Variants in UBAP2 observed in about 807,000 individuals in gnomAD.
The protein encoded by UBAP2 is ubiquitin associated protein 2.
Under a neutral mutation model 139.6 loss-of-function variants are expected in UBAP2, and 75 were observed. The observed-to-expected ratio is 0.54, with a 90% CI of 0.45 to 0.65. UBAP2 has a LOEUF of 0.65. UBAP2 is among the 30% of genes least tolerant of loss of function. UBAP2 has a pLI of 0.00. For missense variants in UBAP2, 1,368 were observed against 1,369.6 expected, an observed-to-expected ratio of 1.00 and a Z score of 0.02; for synonymous variants, 526 against 526.2, an observed-to-expected ratio of 1.00 and a Z score of 0.01.
intron 2 of UBAP2, among the ~76,000 whole-genome samples, chr9:34,013,314 C>T (rs191509503): frequency 2.0e-5 from 3 of 152,070 alleles, no homozygotes; most frequent in East Asian, 1.9e-4. Flanking sequence ...CTTTGGGAGG[C>T]GGAGCTGGGT....
chr9:33,964,746 G>A (rs1430010395), intron 8 of UBAP2, among the ~76,000 whole-genome samples: 1 of 151,960 alleles, frequency 6.6e-6, no homozygotes, highest in Non-Finnish European at 1.5e-5. Flanking sequence ...AAAAACATCA[G>A]TGGAGGTATT....
chr9:33,966,393 T>C (rs1001520232), intron 8 of UBAP2, among the ~76,000 whole-genome samples: 5 of 151,658 alleles, frequency 3.3e-5, no homozygotes, highest in Non-Finnish European at 5.9e-5. Flanking sequence ...GAGATGGAGG[T>C]TGCAGTGAGT....
chr9:34,034,851 A>G (rs1183825499), intron 1 of UBAP2, among the ~76,000 whole-genome samples: 1 of 149,102 alleles, frequency 6.7e-6, no homozygotes, highest in Non-Finnish European at 1.5e-5. Flanking sequence ...CCAGCCTGGG[A>G]AACAGCGAGA....
intron 1 of UBAP2, among the ~76,000 whole-genome samples, chr9:34,022,254 A>G (rs921988266): frequency 8.6e-5 from 13 of 151,898 alleles, no homozygotes; most frequent in Non-Finnish European, 1.9e-4. Context: ...TAAAAAAATA[A>G]AAATAAAAAA....
chr9:34,020,030 G>A lies in UBAP2; in HGVS notation c.-41-2841C>T, dbSNP rs189074451. Reference sequence around the variant, plus strand: ...CAAAAATTAGCCAGGCATGGTGGCAGACGCCTGTAATCCCAGCTACTAGGG... The same window carrying A: ...CAAAAATTAGCCAGGCATGGTGGCAAACGCCTGTAATCCCAGCTACTAGGG... On this transcript the variant is annotated intron_variant, in intron 1 of 28. Coordinates refer to ENST00000379238, the MANE Select transcript of UBAP2 (RefSeq NM_001370062.2). Among the ~76,000 whole-genome samples, 464 of 151,280 alleles carry A rather than the reference G, an allele frequency of 3.1e-3. 3 individuals carry two copies. Among genetic ancestry groups the A allele is most frequent in the African/African-American group, 0.01 (430 of 41,322 alleles).
chr9:34,003,756 T>C (rs186278070), intron 2 of UBAP2, among the ~76,000 whole-genome samples: 42 of 151,260 alleles, frequency 2.8e-4, no homozygotes, highest in Admixed American at 9.9e-4. Flanking sequence ...GTTTCACTCT[T>C]GTTGCCCAGG....
Position 33,922,521 on chromosome 9 carries a change from G to C in UBAP2, c.3343C>G (p.Pro1115Ala). The C allele has an allele frequency of 6.2e-7, 1 of 1,613,948 alleles. No homozygotes were observed. Among genetic ancestry groups the C allele is most frequent in the Non-Finnish European group, 8.5e-7 (1 of 1,179,982 alleles). The change falls in exon 29 of 29, where the codon CCA becomes GCA. Residue 1115 changes from proline (P) to alanine (A), a missense_variant. Physicochemically the swap from Pro to Ala is conservative, Grantham distance 27. Transcript: ENST00000379238. The part of the protein sequence containing the change: ...QASKPAYGNS[P>A]YWTN ...TTCTGGGTTTAGTTTGTCCAGTATGGAGAGTTGCCGTAGGCAGGTTTGGAG... is the reference window on the plus strand; with the variant it reads ...TTCTGGGTTTAGTTTGTCCAGTATGCAGAGTTGCCGTAGGCAGGTTTGGAG...
intron 2 of UBAP2, among the ~76,000 whole-genome samples, chr9:34,014,979 C>T (rs780231721): frequency 1.3e-5 from 2 of 152,148 alleles, no homozygotes; most frequent in African/African-American, 4.8e-5. Context: ...CAGAATACTA[C>T]ACTAACTTTA....
chr9:34,030,167 C>T (rs180855893), intron 1 of UBAP2, among the ~76,000 whole-genome samples: 5 of 152,010 alleles, frequency 3.3e-5, no homozygotes, highest in Non-Finnish European at 2.9e-5. Context: ...CCAGGTGAGC[C>T]GGGCGCGGTG....
intron 1 of UBAP2, among the ~76,000 whole-genome samples, chr9:34,036,415 C>T (rs1826372428): frequency 6.6e-6 from 1 of 152,146 alleles, no homozygotes; most frequent in Admixed American, 6.6e-5. Context: ...CCGTGCCCAG[C>T]CTTGATACTT....
At chr9:33,946,724 C>A (rs1325635548) in intron 13 of UBAP2, among the ~76,000 whole-genome samples, 1 of 151,982 alleles carries the variant, frequency 6.6e-6, no homozygotes, top group African/African-American at 2.4e-5. Flanking sequence ...TAAAAAAAAA[C>A]AAATGGCAGA....
At chr9:33,932,751 G>T in intron 18 of UBAP2, 123 bp from the exon 19 acceptor site, 1 of 999,630 alleles carries the variant, frequency 1.0e-6, no homozygotes, top group Non-Finnish European at 1.5e-6. Flanking sequence ...ACCGGCTTCA[G>T]ACCCATCCTC....
At chr9:33,997,342 C>T (rs930315790) in intron 3 of UBAP2, 1 of 152,118 alleles carries the variant, frequency 6.6e-6, no homozygotes, top group Non-Finnish European at 1.5e-5. Context: ...ATTTTAACTA[C>T]ATTTAACTAT....
chr9:33,953,154 C>G (rs753910699), intron 12 of UBAP2, 131 bp downstream of exon 12: 3 of 869,532 alleles, frequency 3.5e-6, no homozygotes, highest in Non-Finnish European at 3.3e-6. Flanking sequence ...CAGGCATGAG[C>G]CATCATGCCC....
intron 2 of UBAP2, among the ~76,000 whole-genome samples, chr9:33,999,580 A>G (rs187275012): frequency 3.1e-4 from 47 of 152,300 alleles, no homozygotes; most frequent in African/African-American, 1.1e-3. Context: ...TGTTTTTCTA[A>G]GAGACAGGGT....
At chr9:33,974,469 T>C (rs1462008891) in intron 6 of UBAP2, among the ~76,000 whole-genome samples, 1 of 152,186 alleles carries the variant, frequency 6.6e-6, no homozygotes, top group East Asian at 1.9e-4. Context: ...ATTGCACCAC[T>C]GTACTCTAGT....
intron 20 of UBAP2, 124 bp from the exon 21 acceptor site, chr9:33,927,204 C>T (rs1354917989): frequency 2.2e-5 from 15 of 673,900 alleles, no homozygotes; most frequent in African/African-American, 1.3e-4. Flanking sequence ...GGGCAGTGGC[C>T]GAATGAGGCA....
chr9:34,009,102 GTT>G (rs1420961329), intron 2 of UBAP2, among the ~76,000 whole-genome samples: 6 of 146,112 alleles, frequency 4.1e-5, no homozygotes, highest in Admixed American at 3.4e-4. Context: ...TTGGTGTTTT[GTT>G]TTGTTTTTTT....
intron 3 of UBAP2, 53 bp downstream of exon 3, chr9:33,998,734 A>G: frequency 6.6e-7 from 1 of 1,503,868 alleles, no homozygotes; most frequent in Non-Finnish European, 9.1e-7. Context: ...TATCTTTTTA[A>G]GCACAATCAA....
Sources: allele counts gnomAD v4.1 joint callset (sites outside exome capture counted in the v4.1 genomes callset), GRCh38; gene constraint gnomAD v4.1.1; transcripts MANE v1.5; gene names NCBI Gene and HGNC (gene_info 2026-07-23, HGNC 2026-07-21).